The following DST variants were observed in gnomAD, a reference collection of about 807,000 sequenced individuals.
The protein encoded by DST is bullous pemphigoid antigen.
In DST, 253 loss-of-function variants were observed where a neutral mutation model predicts 875.2. That is an observed-to-expected ratio of 0.29 (90% CI 0.26 to 0.32). The LOEUF (loss-of-function observed/expected upper bound fraction) is 0.32, where lower values mean the gene tolerates loss of function less well. Among genes scored for constraint, DST ranks in the 10% least tolerant of loss-of-function variants. The pLI, the probability that DST is intolerant of heterozygous loss-of-function variation, is 1.00. For missense variants in DST, 8,287 were observed against 9,111.6 expected (o/e 0.91, Z 3.68); for synonymous variants, 3,124 against 3,197.1 (o/e 0.98, Z 0.77).
At chr6:56,908,194 T>A (rs190411575) in intron 2 of DST, among the ~76,000 whole-genome samples, 2 of 152,142 alleles carry the variant, frequency 1.3e-5, no homozygotes, top group Admixed American at 6.5e-5. Context: ...GTAAATATTA[T>A]AAAGCTCAAT....
intron 5 of DST, among the ~76,000 whole-genome samples, chr6:56,708,610 G>A (rs1467653775): frequency 2.0e-5 from 3 of 152,170 alleles, no homozygotes; most frequent in African/African-American, 4.8e-5. Context: ...CACACCATGA[G>A]TTACTACTAG....
rs573019204 is a variant in DST, at chr6:56,646,255, C to A, written c.1555-73G>T. Reference sequence around the variant, plus strand: ...TTTTCATGATCTCACTAAGCCACCACTTCAAGTGTTATGTACTGTATCATA... The same window carrying A: ...TTTTCATGATCTCACTAAGCCACCAATTCAAGTGTTATGTACTGTATCATA... On this transcript the variant is annotated intron_variant, in intron 13 of 103. Transcript: ENST00000680361. 1.3e-4 allele frequency: 105 copies of A among 834,582 alleles called. No homozygotes were observed. In the African/African-American group the frequency reaches 1.7e-3, roughly 13 times the overall value. The allele number at this position is 834,582 out of a possible 1,614,324, so 51.7% of individuals were successfully genotyped here. A position where few individuals can be genotyped will look rare whatever the true frequency, so the allele number is the denominator to read the frequency against.
chr6:56,887,091 T>C (rs1227497862), intron 3 of DST, among the ~76,000 whole-genome samples: 1 of 152,202 alleles, frequency 6.6e-6, no homozygotes, highest in African/African-American at 2.4e-5. Context: ...AGAAACAATT[T>C]ATTGATTTTC....
intron 49 of DST, among the ~76,000 whole-genome samples, chr6:56,581,313 T>C (rs1309656240): frequency 6.6e-6 from 1 of 151,772 alleles, no homozygotes; most frequent in Non-Finnish European, 1.5e-5. Flanking sequence ...TATTTATATA[T>C]AAGTGATGGG....
Position 56,506,900 on chromosome 6 carries a change from A to G in DST, c.19240-111T>C, listed in dbSNP as rs9296848. 0.74 allele frequency: 850,988 copies of G among 1,148,304 alleles called. 317,411 individuals are homozygous for G. The highest frequency in any genetic ancestry group is 0.86 in the African/African-American group (54,811 of 63,652). The allele number at this position is 1,148,304 out of a possible 1,614,324, so 71.1% of individuals were successfully genotyped here. A position where few individuals can be genotyped will look rare whatever the true frequency, so the allele number is the denominator to read the frequency against. ...ATTTCTAGAAGGTGGCATTCTAATC[A>G]TTTTTCTGTTTTCTAAGTTTCTGCA... On this transcript the variant is annotated intron_variant, in intron 75 of 103. Transcript: ENST00000680361.
At position 56,911,474 on chromosome 6, in the gene DST, G is replaced by C. The variant is rs137989648; in HGVS notation, c.217-10853C>G. ...AGGGGCCAGAAATCATAAGTGAAAA[G>C]GGCAAAAGGAAAAGAAGCAGCTAGT... On this transcript the variant is annotated intron_variant, in intron 2 of 103. Transcript: ENST00000680361. 2.2e-3 allele frequency among the ~76,000 whole-genome samples: 339 copies of C among 152,268 alleles called. 3 individuals are homozygous for C. Among genetic ancestry groups the C allele is most frequent in the Middle Eastern group, 0.014 (4 of 294 alleles).
chr6:56,562,486 G>A (rs1289126791), intron 55 of DST, among the ~76,000 whole-genome samples: 2 of 151,154 alleles, frequency 1.3e-5, no homozygotes, highest in East Asian at 3.9e-4. Context: ...GTTGCTTTGT[G>A]TTTTATCCAA....
At chr6:56,876,182 G>A (rs1406794957) in intron 3 of DST, among the ~76,000 whole-genome samples, 2 of 152,086 alleles carry the variant, frequency 1.3e-5, no homozygotes, top group African/African-American at 4.8e-5. Context: ...CATTTGCTGA[G>A]GACTTTGGAA....
At chr6:56,639,149 T>G (rs2152775447) in intron 22 of DST, 110 bp downstream of exon 22, 1 of 944,226 alleles carries the variant, frequency 1.1e-6, no homozygotes, top group South Asian at 1.4e-5. Context: ...GAGCCAGGTT[T>G]TAATAAAAGT....
intron 4 of DST, among the ~76,000 whole-genome samples, chr6:56,780,731 T>A (rs1217677146): frequency 2.7e-5 from 4 of 150,514 alleles, no homozygotes; most frequent in Non-Finnish European, 6.0e-5. Context: ...TTTAGTTTAA[T>A]TAGATCCCAT....
At chr6:56,519,397 G>A (rs1164825458) in intron 69 of DST, among the ~76,000 whole-genome samples, 2 of 152,100 alleles carry the variant, frequency 1.3e-5, no homozygotes, top group Non-Finnish European at 2.9e-5. Context: ...CCATGACAAG[G>A]TCCCCAACAC....
intron 10 of DST, among the ~76,000 whole-genome samples, chr6:56,655,974 C>T (rs2099005944): frequency 6.6e-6 from 1 of 152,184 alleles, no homozygotes; most frequent in South Asian, 2.1e-4. Flanking sequence ...TAGCATAATG[C>T]TTAAAACATT....
chr6:56,659,209 G>C (rs186329161), intron 10 of DST, among the ~76,000 whole-genome samples: 38 of 152,320 alleles, frequency 2.5e-4, no homozygotes, highest in Non-Finnish European at 1.0e-4. Flanking sequence ...AAGTGGCCAA[G>C]TCAGGAGATA....
intron 4 of DST, among the ~76,000 whole-genome samples, chr6:56,762,960 C>T (rs1252101069): frequency 6.6e-6 from 1 of 150,668 alleles, no homozygotes; most frequent in Admixed American, 6.7e-5. Flanking sequence ...AAGCGATTCT[C>T]CTACCTCAGC....
intron 9 of DST, chr6:56,693,526 T>C (rs1293305149): frequency 2.3e-6 from 1 of 443,456 alleles, no homozygotes; most frequent in Non-Finnish European, 3.0e-6. Context: ...GATACACTAA[T>C]GAAGTTTGCA....
intron 4 of DST, among the ~76,000 whole-genome samples, chr6:56,781,103 TA>T (rs2099692764): frequency 7.1e-6 from 1 of 140,776 alleles, no homozygotes; most frequent in Non-Finnish European, 1.5e-5. Context: ...TTGGTACCAG[TA>T]CCATGCTGTT....
chr6:56,850,597 G>GA (rs879555975), intron 4 of DST, among the ~76,000 whole-genome samples: 9 of 148,682 alleles, frequency 6.1e-5, no homozygotes, highest in South Asian at 2.1e-4. Context: ...AAGAAAGAAA[G>GA]AAAAAAAAAA....
At chr6:56,763,382 T>C (rs1045456807) in intron 4 of DST, among the ~76,000 whole-genome samples, 1 of 151,990 alleles carries the variant, frequency 6.6e-6, no homozygotes, top group African/African-American at 2.4e-5. Context: ...TTTAAAAATA[T>C]AGGGATGGGC....
intron 2 of DST, among the ~76,000 whole-genome samples, chr6:56,928,201 C>CT (rs70989745): frequency 0.14 from 21,470 of 152,152 alleles, 1,827 homozygotes; most frequent in Middle Eastern, 0.23. Flanking sequence ...GATACCCCTA[C>CT]TGGGGCACCT....
Sources: gnomAD v4.1 joint callset for allele counts (sites outside exome capture counted in the v4.1 genomes callset) on GRCh38, gnomAD v4.1.1 for gene constraint, MANE v1.5 for transcripts, NCBI Gene and HGNC (gene_info 2026-07-23, HGNC 2026-07-21) for gene names.